Variants in CC2D2A observed in about 807,000 individuals in gnomAD.
The protein encoded by CC2D2A is coiled-coil and C2 domain containing 2A, also known as coiled-coil and C2 domain-containing protein 2A.
CC2D2A carries 155 observed loss-of-function variants against 212.9 expected under a neutral mutation model. The ratio of observed to expected loss-of-function variants is 0.73; its 90% confidence interval spans 0.64 to 0.83. CC2D2A has a LOEUF of 0.83. Among genes scored for constraint, CC2D2A ranks in the 40% least tolerant of loss-of-function variants. CC2D2A has a pLI of 0.00. For missense variants in CC2D2A, 1,856 were observed against 1,956.2 expected (o/e 0.95, Z 0.97); for synonymous variants, 667 against 686.5 (o/e 0.97, Z 0.44).
intron 4 of CC2D2A, chr4:15,481,686 G>A: frequency 1.4e-6 from 1 of 696,778 alleles, no homozygotes; most frequent in Non-Finnish European, 1.8e-6. Flanking sequence ...AGAACAGTGA[G>A]CCAAAATAAA....
Position 15,581,077 on chromosome 4 carries a change from T to C in CC2D2A, c.3975+906T>C, listed in dbSNP as rs556122278. Among the ~76,000 whole-genome samples the C allele has an allele frequency of 8.5e-5, 13 of 152,272 alleles. No individual in the cohort carries two copies. In the South Asian group the frequency reaches 2.7e-3, roughly 32 times the overall value. On this transcript the variant is annotated intron_variant, in intron 30 of 36. Coordinates refer to ENST00000424120, the MANE Select transcript of CC2D2A (RefSeq NM_001378615.1). Reference sequence around the variant, plus strand: ...AATTTTATGTGGATACCATAACCCATAACTGCCTTTGGAGAGTGGATAATA... The same window carrying C: ...AATTTTATGTGGATACCATAACCCACAACTGCCTTTGGAGAGTGGATAATA...
chr4:15,590,092 T>C (rs914028882), intron 33 of CC2D2A, among the ~76,000 whole-genome samples: 1 of 152,232 alleles, frequency 6.6e-6, no homozygotes, highest in Admixed American at 6.5e-5. Flanking sequence ...TCTTTCTCTC[T>C]TTCTTTTTTC....
At chr4:15,552,473 C>T (rs1304427178) in intron 18 of CC2D2A, among the ~76,000 whole-genome samples, 2 of 152,166 alleles carry the variant, frequency 1.3e-5, no homozygotes, top group African/African-American at 2.4e-5. Flanking sequence ...CCTCTCCACT[C>T]TCCAAAGCAC....
At chr4:15,510,370 C>A in intron 7 of CC2D2A, 130 bp downstream of exon 7, 1 of 719,574 alleles carries the variant, frequency 1.4e-6, no homozygotes, top group Non-Finnish European at 2.4e-6. Context: ...CCAAGACAGG[C>A]AGATATATTG....
intron 3 of CC2D2A, among the ~76,000 whole-genome samples, chr4:15,479,884 C>T (rs1560141502): frequency 6.6e-6 from 1 of 152,228 alleles, no homozygotes; most frequent in African/African-American, 2.4e-5. Flanking sequence ...GAGAAAGGGG[C>T]AAGGATGGAG....
At chr4:15,533,128 A>G (rs1184288489) in intron 13 of CC2D2A, 65 bp from the exon 14 acceptor site, 1 of 1,342,048 alleles carries the variant, frequency 7.5e-7, no homozygotes, top group East Asian at 2.5e-5. Context: ...CTGTAGCATT[A>G]TTAATTTCTT....
intron 4 of CC2D2A, among the ~76,000 whole-genome samples, chr4:15,487,733 T>C (rs376528232): frequency 1.7e-4 from 26 of 152,018 alleles, no homozygotes; most frequent in African/African-American, 5.5e-4. Context: ...TCTTCCTTTC[T>C]GCCTTCTTCC....
At chr4:15,533,437 G>A (rs1265857325) in intron 14 of CC2D2A, 104 bp downstream of exon 14, 1 of 789,834 alleles carries the variant, frequency 1.3e-6, no homozygotes, top group East Asian at 3.2e-5. Flanking sequence ...AAATATGCAT[G>A]TAACCACTTC....
intron 13 of CC2D2A, among the ~76,000 whole-genome samples, chr4:15,530,128 C>T (rs960146074): frequency 1.6e-4 from 24 of 151,926 alleles, no homozygotes; most frequent in African/African-American, 5.3e-4. Flanking sequence ...CCCGCCACTA[C>T]GCCAGGCTAA....
At chr4:15,517,169 G>A (rs1000076869) in intron 11 of CC2D2A, among the ~76,000 whole-genome samples, 13 of 151,614 alleles carry the variant, frequency 8.6e-5, no homozygotes, top group African/African-American at 1.5e-4. Flanking sequence ...GGATGGTCTC[G>A]ATCTCCTGAC....
intron 28 of CC2D2A, 110 bp from the exon 29 acceptor site, chr4:15,574,040 G>GT (rs1433303540): frequency 2.3e-6 from 2 of 880,246 alleles, no homozygotes; most frequent in African/African-American, 1.7e-5. Context: ...TTGAATGCCA[G>GT]TCTGAGCAAT....
In CC2D2A at chr4:15,537,079, G is replaced by T; in HGVS notation, c.1764+3G>T. ...GGAAGGCCTGGAGGAAAGTGCAAGT[G>T]TGTAAACAAACACTCAGCCTGGAAT... On this transcript the variant is annotated splice_donor_region_variant and intron_variant, in intron 15 of 36. Transcript: ENST00000424120. The T allele has an allele frequency of 6.2e-7, 1 of 1,612,896 alleles. No homozygotes were observed. The highest frequency in any genetic ancestry group is 8.5e-7 in the Non-Finnish European group (1 of 1,179,204).
chr4:15,470,888 A>G (rs1713769085), intron 1 of CC2D2A, among the ~76,000 whole-genome samples: 1 of 151,994 alleles, frequency 6.6e-6, no homozygotes, highest in Non-Finnish European at 1.5e-5. Flanking sequence ...AACACATGAT[A>G]AGAGTACAAT....
At chr4:15,552,916 G>T (rs1252524133) in intron 18 of CC2D2A, among the ~76,000 whole-genome samples, 1 of 152,222 alleles carries the variant, frequency 6.6e-6, no homozygotes, top group Non-Finnish European at 1.5e-5. Context: ...AAGCTGTGAA[G>T]CAGGTGGACC....
intron 8 of CC2D2A, 188 bp downstream of exon 8, chr4:15,511,611 A>G: frequency 2.3e-6 from 1 of 434,738 alleles, no homozygotes; most frequent in Non-Finnish European, 4.0e-6. Flanking sequence ...AGACCCTACA[A>G]TGTGGTAGGA....
At chr4:15,597,991 T>C (rs982267618) in intron 35 of CC2D2A, among the ~76,000 whole-genome samples, 1 of 152,180 alleles carries the variant, frequency 6.6e-6, no homozygotes, top group Non-Finnish European at 1.5e-5. Context: ...ACCTTTCTGA[T>C]TTCAAGACAT....
chr4:15,483,359 A>G (rs921110001), intron 4 of CC2D2A, among the ~76,000 whole-genome samples: 3 of 152,162 alleles, frequency 2.0e-5, no homozygotes, highest in Admixed American at 6.5e-5. Context: ...AGGATTCCCA[A>G]TTCAGGTCTT....
At chr4:15,527,422 G>C in intron 11 of CC2D2A, 25 bp from the exon 12 acceptor site, 1 of 1,576,026 alleles carries the variant, frequency 6.3e-7, no homozygotes, top group Non-Finnish European at 8.7e-7. Flanking sequence ...ACTGTGTTCT[G>C]TCTACACTCT....
chr4:15,540,862 G>A lies in CC2D2A; in HGVS notation c.2029G>A (p.Val677Ile). 6.2e-7 allele frequency: 1 copy of A among 1,600,740 alleles called. No homozygotes were observed. The highest frequency in any genetic ancestry group is 8.5e-7 in the Non-Finnish European group (1 of 1,173,424). ...PRAEVSRRED[V>I]KKRSVYLKVL... is the part of the protein sequence containing the mutation. ...AGCGGAGGTCTCGAGAAGGGAGGAT[G>A]TAAAGAAGCGCTCAGTGTACTTAAA... The change falls in exon 17 of 37, where the codon GTA (valine) becomes ATA (isoleucine). Residue 677 changes from valine (V) to isoleucine (I), a missense_variant. Physicochemically the swap from Val to Ile is conservative, Grantham distance 29 (BLOSUM62 3). Transcript: ENST00000424120.
Sources: gnomAD v4.1 joint callset for allele counts (sites outside exome capture counted in the v4.1 genomes callset) on GRCh38, gnomAD v4.1.1 for gene constraint, MANE v1.5 for transcripts, NCBI Gene and HGNC (gene_info 2026-07-23, HGNC 2026-07-21) for gene names.